WWOX: variants seen among roughly 807,000 people sequenced by gnomAD.
WWOX encodes WW domain-containing oxidoreductase.
A neutral mutation model predicts 46.2 loss-of-function variants in WWOX; 69 were observed. That is an observed-to-expected ratio of 1.49 (90% CI 1.23 to 1.82). WWOX has a LOEUF of 1.82. Among genes scored for constraint, WWOX ranks in the 40% most tolerant of loss-of-function variants. The probability of loss-of-function intolerance (pLI) is 0.00; values close to 1 mark genes in which losing one functional copy is unlikely to be tolerated. For synonymous variants in WWOX, 359 were observed against 202.6 expected, an observed-to-expected ratio of 1.77 and a Z score of -6.56; for missense variants, 919 against 542.6, an observed-to-expected ratio of 1.69 and a Z score of -6.89.
At chr16:78,337,027 C>T (rs550951064) in intron 5 of WWOX, among the ~76,000 whole-genome samples, 6 of 152,104 alleles carry the variant, frequency 3.9e-5, no homozygotes, top group Non-Finnish European at 7.4e-5. Context: ...GTGATCCACC[C>T]GCCTTGGCCT....
intron 8 of WWOX, among the ~76,000 whole-genome samples, chr16:78,710,822 G>A (rs1176647442): frequency 6.6e-6 from 1 of 151,658 alleles, no homozygotes; most frequent in East Asian, 1.9e-4. Flanking sequence ...TCCCTTTGTG[G>A]CCCAGGCTGA....
At chr16:78,256,658 T>A (rs2038140433) in intron 5 of WWOX, among the ~76,000 whole-genome samples, 1 of 152,006 alleles carries the variant, frequency 6.6e-6, no homozygotes, top group Admixed American at 6.6e-5. Context: ...GTTGAAGGAT[T>A]GGATGAGACT....
At chr16:79,098,683 C>T (rs571670067) in intron 8 of WWOX, among the ~76,000 whole-genome samples, 10 of 152,260 alleles carry the variant, frequency 6.6e-5, no homozygotes, top group South Asian at 2.1e-4. Context: ...GAAGGAATTG[C>T]ACACAATACA....
chr16:79,181,154 T>C (rs2050903967), intron 8 of WWOX, among the ~76,000 whole-genome samples: 3 of 152,224 alleles, frequency 2.0e-5, no homozygotes, highest in African/African-American at 4.8e-5. Flanking sequence ...AACATGCAGA[T>C]TATACATGCA....
At chr16:78,931,360 C>T (rs1049693436) in intron 8 of WWOX, among the ~76,000 whole-genome samples, 1 of 152,182 alleles carries the variant, frequency 6.6e-6, no homozygotes, top group Non-Finnish European at 1.5e-5. Flanking sequence ...GAGAGGGTAC[C>T]TGCCCTGCTA....
At chr16:78,977,353 A>G (rs1215384146) in intron 8 of WWOX, among the ~76,000 whole-genome samples, 2 of 152,124 alleles carry the variant, frequency 1.3e-5, no homozygotes, top group Non-Finnish European at 1.5e-5. Flanking sequence ...GATCCTCCAG[A>G]TCCTGTTCAT....
chr16:78,749,465 G>T (rs992918249), intron 8 of WWOX, among the ~76,000 whole-genome samples: 4 of 152,168 alleles, frequency 2.6e-5, no homozygotes, highest in Admixed American at 6.5e-5. Context: ...GAGGTTTTGG[G>T]TTCTGGTGAT....
intron 8 of WWOX, among the ~76,000 whole-genome samples, chr16:79,068,508 C>G (rs777805736): frequency 6.6e-6 from 1 of 151,956 alleles, no homozygotes; most frequent in Non-Finnish European, 1.5e-5. Flanking sequence ...GTAGGAAGCT[C>G]AAGACAGAGA....
At chr16:78,398,114 G>T (rs139733983) in intron 6 of WWOX, among the ~76,000 whole-genome samples, 1 of 152,262 alleles carries the variant, frequency 6.6e-6, no homozygotes, top group Admixed American at 6.5e-5. Flanking sequence ...CCAAGGGGTC[G>T]TTTTGCTATT....
At chr16:78,250,227 T>C (rs1350147443) in intron 5 of WWOX, among the ~76,000 whole-genome samples, 1 of 152,216 alleles carries the variant, frequency 6.6e-6, no homozygotes, top group Admixed American at 6.5e-5. Context: ...GCACAACGTC[T>C]ATCTGGCACA....
At chr16:79,069,554 G>A (rs1044735902) in intron 8 of WWOX, among the ~76,000 whole-genome samples, 1 of 139,656 alleles carries the variant, frequency 7.2e-6, no homozygotes, top group African/African-American at 3.1e-5. Flanking sequence ...ATCTTTATTG[G>A]TAGGTTTTTT....
chr16:78,730,109 C>T (rs1027493866), intron 8 of WWOX, among the ~76,000 whole-genome samples: 10 of 152,196 alleles, frequency 6.6e-5, no homozygotes, highest in Middle Eastern at 3.4e-3. Flanking sequence ...TTGCTATAAA[C>T]GCTTAAGGAT....
chr16:78,768,220 C>T (rs2049973525), intron 8 of WWOX, among the ~76,000 whole-genome samples: 1 of 131,368 alleles, frequency 7.6e-6, no homozygotes, highest in Non-Finnish European at 1.6e-5. Context: ...GCAACTAGGT[C>T]ACAGTAGAAA....
intron 6 of WWOX, among the ~76,000 whole-genome samples, chr16:78,398,431 T>C (rs186225414): frequency 2.0e-5 from 3 of 152,194 alleles, no homozygotes; most frequent in East Asian, 3.9e-4. Context: ...ACAATGAGGG[T>C]AGTTAGGATG....
intron 8 of WWOX, among the ~76,000 whole-genome samples, chr16:78,887,095 TGTGTGTGTGTGTGTG>T (rs2044479132): frequency 2.0e-5 from 1 of 50,938 alleles, no homozygotes; most frequent in Non-Finnish European, 6.5e-5. Context: ...TGTGTGTGTG[TGTGTGTGTGTGTGTG>T]TGTGTGTGTG....
intron 8 of WWOX, among the ~76,000 whole-genome samples, chr16:78,546,142 ATAAT>A (rs2044025966): frequency 6.6e-6 from 1 of 152,200 alleles, no homozygotes; most frequent in Admixed American, 6.5e-5. Flanking sequence ...AGAAATTTAC[ATAAT>A]TAATCACAAA....
intron 5 of WWOX, among the ~76,000 whole-genome samples, chr16:78,280,069 G>T (rs1303560000): frequency 6.6e-6 from 1 of 152,260 alleles, no homozygotes; most frequent in Non-Finnish European, 1.5e-5. Flanking sequence ...GCTGAGTCTA[G>T]AGTGTTCCAG....
intron 8 of WWOX, chr16:78,534,247 C>T (rs949641993): frequency 2.0e-5 from 3 of 152,152 alleles, no homozygotes; most frequent in Non-Finnish European, 4.4e-5. Flanking sequence ...ACAATATCTT[C>T]CTGAGAATGT....
intron 4 of WWOX, among the ~76,000 whole-genome samples, chr16:78,140,115 T>C (rs1208092375): frequency 6.6e-6 from 1 of 152,202 alleles, no homozygotes; most frequent in Non-Finnish European, 1.5e-5. Context: ...TGAGGCCATC[T>C]GGTTGCATTT....
Sources: allele counts gnomAD v4.1 joint callset (sites outside exome capture counted in the v4.1 genomes callset), GRCh38; gene constraint gnomAD v4.1.1; transcripts MANE v1.5; gene names NCBI Gene and HGNC (gene_info 2026-07-23, HGNC 2026-07-21).